Variants in PPM1J observed in about 807,000 individuals in gnomAD.
PPM1J encodes the protein protein phosphatase 1J.
In PPM1J, 43 loss-of-function variants were observed where a neutral mutation model predicts 53.3. The ratio of observed to expected loss-of-function variants is 0.81; its 90% CI spans 0.63 to 1.04. The LOEUF (loss-of-function observed/expected upper bound fraction) is 1.04, where lower values mean the gene tolerates loss of function less well. Ranked by LOEUF, PPM1J falls within the 50% of genes least tolerant of loss-of-function variation. PPM1J has a pLI of 0.00. For synonymous variants in PPM1J, 267 were observed against 286.4 expected (o/e 0.93, Z 0.68); for missense variants, 635 against 685.9 (o/e 0.93, Z 0.83).
intron 3 of PPM1J, 120 bp from the exon 4 acceptor site, chr1:112,712,577 A>G: frequency 8.7e-7 from 1 of 1,147,444 alleles, no homozygotes; most frequent in Non-Finnish European, 1.3e-6. Flanking sequence ...ACTGGAAGAC[A>G]GGAGGGAAGA....
Position 112,715,019 on chromosome 1 carries a change from G to A in PPM1J, c.283C>T (p.Pro95Ser), listed in dbSNP as rs896596362. Residue 95 changes from proline (P) to serine (S), a missense_variant, in exon 1 of 10, where the codon CCG (proline) becomes TCG (serine). Physicochemically the swap from Pro to Ser is moderately conservative, Grantham distance 74. Coordinates refer to ENST00000309276, the MANE Select transcript of PPM1J (RefSeq NM_005167.7). The surrounding 1 kb of genome is among the most constrained non-coding windows in gnomAD (Gnocchi z 4.4). ...CAGGGCAGGCGGCGGCCCGTGTCCG[G>A]GGGGCTTTGCACAGCCCGGCCCGCG... ...DHAGRAVQSP[P>S]DTGRRLPWST... The A allele has an allele frequency of 2.0e-6, 3 of 1,486,338 alleles. No individual in the cohort carries two copies. Among genetic ancestry groups the A allele is most frequent in the Middle Eastern group, 1.8e-4 (1 of 5,548 alleles). The allele number at this position is 1,486,338 out of a possible 1,614,324, so 92.1% of individuals were successfully genotyped here. A position where few individuals can be genotyped will look rare whatever the true frequency, so the allele number is the denominator to read the frequency against.
chr1:112,714,807 T>G, intron 1 of PPM1J, 169 bp downstream of exon 1: 1 of 1,262,896 alleles, frequency 7.9e-7, no homozygotes, highest in Non-Finnish European at 9.9e-7. Flanking sequence ...CACTGGAAAA[T>G]GGGTTGGGAG....
rs1557783668 is a variant in PPM1J at position 112,712,477 on chromosome 1, C to T, written c.730-20G>A. Reference sequence around the variant, plus strand: ...CTCATCCTGCCACATAAGGAAGGGTCAGAGGTGGGTAGAAGGAGAGGTTCC... The same window carrying T: ...CTCATCCTGCCACATAAGGAAGGGTTAGAGGTGGGTAGAAGGAGAGGTTCC... On this transcript the variant is annotated intron_variant, in intron 3 of 9. Coordinates refer to ENST00000309276, the MANE Select transcript of PPM1J (RefSeq NM_005167.7). 6.2e-7 allele frequency: 1 copy of T among 1,603,310 alleles called. No homozygotes were observed. Among genetic ancestry groups the T allele is most frequent in the Non-Finnish European group, 8.5e-7 (1 of 1,171,112 alleles).
intron 1 of PPM1J, chr1:112,714,749 C>T: frequency 5.6e-6 from 7 of 1,257,312 alleles, no homozygotes; most frequent in Non-Finnish European, 7.0e-6. Context: ...TGGGCGAGGG[C>T]AGTCAATGAG....
Position 112,712,943 on chromosome 1 carries a change from A to G in PPM1J, c.530T>C (p.Ile177Thr), listed in dbSNP as rs1260487208. Residue 177 changes from isoleucine (I) to threonine (T), a missense_variant, in exon 3 of 10, where the codon ATC (isoleucine) becomes ACC (threonine). Transcript: ENST00000309276. ...EMASRLLHRHIREQLKDLVEI... is the reference protein window; with the variant it reads ...EMASRLLHRHTREQLKDLVEI... The stretch of plus-strand genomic sequence containing the variant: ...TACCAGGTCCTTTAGCTGCTCTCGG[A>G]TATGGCGATGCAGGAGCCGTGAGGC... 6.2e-7 allele frequency: 1 copy of G among 1,613,910 alleles called. No individual in the cohort carries two copies. Among genetic ancestry groups the G allele is most frequent in the Non-Finnish European group, 8.5e-7 (1 of 1,179,996 alleles).
chr1:112,712,581 G>A, intron 3 of PPM1J, 124 bp from the exon 4 acceptor site: 1 of 1,120,544 alleles, frequency 8.9e-7, no homozygotes, highest in Non-Finnish European at 1.3e-6. Context: ...GAAGACAGGA[G>A]GGAAGACTGG....
chr1:112,712,195 A>C, intron 4 of PPM1J, 140 bp from the exon 5 acceptor site: 1 of 924,036 alleles, frequency 1.1e-6, no homozygotes. Context: ...GACCCCACCC[A>C]ATGGATATTT....
intron 5 of PPM1J, 56 bp from the exon 6 acceptor site, chr1:112,711,440 C>T (rs559757932): frequency 1.7e-5 from 17 of 1,022,184 alleles, no homozygotes; most frequent in East Asian, 1.0e-4. Context: ...TCACAGCACA[C>T]GGTGGCACAC....
intron 1 of PPM1J, 49 bp from the exon 2 acceptor site, chr1:112,713,660 G>A: frequency 9.1e-6 from 13 of 1,422,004 alleles, no homozygotes; most frequent in Non-Finnish European, 1.3e-5. Flanking sequence ...ACCAGGTCCT[G>A]GAATAACCCC....
Position 112,710,286 on chromosome 1 carries a change from C to T in PPM1J, c.1395G>A (p.Leu465=). 6.2e-7 allele frequency: 1 copy of T among 1,609,502 alleles called. No homozygotes were observed. Among genetic ancestry groups the T allele is most frequent in the Admixed American group, 1.7e-5 (1 of 58,322 alleles). The change falls in exon 10 of 10, where the codon CTG becomes CTA. Residue 465 remains leucine (L), a synonymous_variant. Transcript: ENST00000309276. ...HSRYTALAQA[L]VLGARGTPRD... ...GGGGGGTACCCCGGGCCCCCAGGACCAGAGCTTGGGCCAGAGCTGTATACC... is the reference window on the plus strand; with the variant it reads ...GGGGGGTACCCCGGGCCCCCAGGACTAGAGCTTGGGCCAGAGCTGTATACC...
rs778451937 is a variant in PPM1J, at chr1:112,711,067, A to G, written c.1051T>C (p.Tyr351His). The change falls in exon 7 of 10, where the codon TAC becomes CAC. Residue 351 changes from tyrosine to histidine, a missense_variant. Coordinates refer to ENST00000309276, the MANE Select transcript of PPM1J (RefSeq NM_005167.7). ...YRDQNMTGWAYKKIELEDLRF... is the reference protein window; with the variant it reads ...YRDQNMTGWAHKKIELEDLRF... The stretch of plus-strand genomic sequence containing the variant: ...AGATCCTCCAGCTCGATCTTTTTGT[A>G]GGCCCTGGGGAGGGGGGAGTAGAGG... 1.3e-5 allele frequency: 21 copies of G among 1,613,850 alleles called. 1 individual carries two copies. The South Asian group carries it at 1.6e-4, about 13-fold the overall frequency.
At position 112,712,359 on chromosome 1, in the gene PPM1J, ATTGG is replaced by A. The variant is rs1408059261; in HGVS notation, c.824_827del (p.Ala275ValfsTer37). 2 of 1,612,940 alleles carry A rather than the reference ATTGG, an allele frequency of 1.2e-6. No homozygotes were observed. The highest frequency in any genetic ancestry group is 1.7e-6 in the Non-Finnish European group (2 of 1,179,510). Reference sequence around the variant, plus strand: ...CTCCCCCATACCTGCTATCGCCTGCATTGGCCACGTACACCTTGCCTAGCAGGTA... The same window carrying A: ...CTCCCCCATACCTGCTATCGCCTGCACCACGTACACCTTGCCTAGCAGGTA... On this transcript the variant is annotated frameshift_variant, in exon 4 of 10. Transcript: ENST00000309276. LOFTEE classifies it high-confidence loss of function.
At position 112,710,536 on chromosome 1, in the gene PPM1J, C is replaced by T. The variant is rs1224671818; in HGVS notation, c.1294G>A (p.Asp432Asn). ...VLVLGTDGLW[D>N]VTTDCEVAAT... is the part of the protein sequence containing the mutation. The stretch of plus-strand genomic sequence containing the variant: ...GCTACCTCACAGTCAGTAGTGACAT[C>T]CCACAGGCCATCTGTTCCCAGGACT... The change falls in exon 9 of 10, where the codon GAT becomes AAT. Residue 432 changes from aspartate (D) to asparagine (N), a missense_variant. Physicochemically the swap from Asp to Asn is conservative, Grantham distance 23. Transcript: ENST00000309276. 3 of 1,614,112 alleles carry T rather than the reference C, an allele frequency of 1.9e-6. No individual in the cohort carries two copies. The highest frequency in any genetic ancestry group is 2.5e-6 in the Non-Finnish European group (3 of 1,180,046).
rs201414959 is a variant in PPM1J at position 112,710,321 on chromosome 1, C to T, written c.1371-11G>A. The T allele has an allele frequency of 5.6e-6, 9 of 1,612,944 alleles. No homozygotes were observed. The highest frequency in any genetic ancestry group is 7.6e-6 in the Non-Finnish European group (9 of 1,179,618). Reference sequence around the variant, plus strand: ...GCCAGAGCTGTATACCTGCCAGGAGCACACATGCACATTCATGTACCAACA... The same window carrying T: ...GCCAGAGCTGTATACCTGCCAGGAGTACACATGCACATTCATGTACCAACA... On this transcript the variant is annotated splice_polypyrimidine_tract_variant and intron_variant, in intron 9 of 9. Coordinates refer to ENST00000309276, the MANE Select transcript of PPM1J (RefSeq NM_005167.7).
Position 112,712,868 on chromosome 1 carries a change from G to C in PPM1J, c.605C>G (p.Pro202Arg), listed in dbSNP as rs1246541782. 8 of 1,613,962 alleles carry C rather than the reference G, an allele frequency of 5.0e-6. No individual in the cohort carries two copies. The highest frequency in any genetic ancestry group is 4.2e-6 in the Non-Finnish European group (5 of 1,180,024). ...SPPPLCLPTT[P>R]GTPDSSDPSH... ...GGGATCGGAGGAATCTGGGGTCCCC[G>C]GAGTGGTTGGGAGGCAGAGGGGTGG... Residue 202 changes from proline (P) to arginine (R), a missense_variant, in exon 3 of 10, where the codon CCG (proline) becomes CGG (arginine). Coordinates refer to ENST00000309276, the MANE Select transcript of PPM1J (RefSeq NM_005167.7).
In PPM1J at chr1:112,710,255, G is replaced by T; in HGVS notation, c.1426C>A (p.Arg476Ser). 1.3e-6 allele frequency: 2 copies of T among 1,594,902 alleles called. No homozygotes were observed. Among genetic ancestry groups the T allele is most frequent in the Non-Finnish European group, 1.7e-6 (2 of 1,175,298 alleles). Residue 476 changes from arginine (R) to serine (S), a missense_variant, in exon 10 of 10, where the codon CGT (arginine) becomes AGT (serine). Coordinates refer to ENST00000309276, the MANE Select transcript of PPM1J (RefSeq NM_005167.7). Reference sequence around the variant, plus strand: ...TTGTTGTTGGGGAGACGCCAGCCACGGTCTCGGGGGGTACCCCGGGCCCCC... The same window carrying T: ...TTGTTGTTGGGGAGACGCCAGCCACTGTCTCGGGGGGTACCCCGGGCCCCC... ...VLGARGTPRD[R>S]GWRLPNNKLG...
At chr1:112,711,564 A>G in intron 5 of PPM1J, 180 bp from the exon 6 acceptor site, 2 of 589,420 alleles carry the variant, frequency 3.4e-6, no homozygotes, top group Non-Finnish European at 6.0e-6. Flanking sequence ...TAAGGCAGGA[A>G]CTATTGATGC....
At position 112,712,887 on chromosome 1, in the gene PPM1J, G is replaced by C. The variant is rs947422869; in HGVS notation, c.586C>G (p.Leu196Val). The C allele has an allele frequency of 1.9e-6, 3 of 1,613,930 alleles. No individual in the cohort carries two copies. Among genetic ancestry groups the C allele is most frequent in the Admixed American group, 1.7e-5 (1 of 60,010 alleles). ...GTCCCCGGAGTGGTTGGGAGGCAGA[G>C]GGGTGGTGGCGAAGGGTCCTGAAGT... ...EILQDPSPPP[L>V]CLPTTPGTPD... Residue 196 changes from leucine (L) to valine (V), a missense_variant, in exon 3 of 10, where the codon CTC (leucine) becomes GTC (valine). Transcript: ENST00000309276.
At position 112,711,953 on chromosome 1, in the gene PPM1J, A is replaced by C; in HGVS notation, c.927+18T>G. On this transcript the variant is annotated intron_variant, in intron 5 of 9. Coordinates refer to ENST00000309276, the MANE Select transcript of PPM1J (RefSeq NM_005167.7). ...GACCCGACAAAGAATGGGGGTAGGG[A>C]ATTTGGTTCCTACTTACAAGCAGCT... The C allele has an allele frequency of 1.3e-6, 2 of 1,575,086 alleles. No individual in the cohort carries two copies. The highest frequency in any genetic ancestry group is 1.1e-5 in the South Asian group (1 of 88,314).
Sources: allele counts gnomAD v4.1 joint callset, GRCh38; gene constraint gnomAD v4.1.1; non-coding constraint Gnocchi (gnomAD v3.1); transcripts MANE v1.5; gene names NCBI Gene and HGNC (gene_info 2026-07-23, HGNC 2026-07-21).